Variants in MARK1 observed in about 807,000 individuals in gnomAD.
MARK1 encodes the protein microtubule affinity regulating kinase 1.
In MARK1, 40 loss-of-function variants were observed where a neutral mutation model predicts 96.3. That is an observed-to-expected ratio of 0.42 (90% CI 0.32 to 0.54). The LOEUF is 0.54. MARK1 is among the 20% of genes least tolerant of loss of function. The pLI is 0.16. For synonymous variants in MARK1, 317 were observed against 341.2 expected (o/e 0.93, Z 0.78); for missense variants, 719 against 984.6 (o/e 0.73, Z 3.61).
At chr1:220,537,783 C>G (rs1281715429) in intron 1 of MARK1, among the ~76,000 whole-genome samples, 1 of 151,798 alleles carries the variant, frequency 6.6e-6, no homozygotes, top group Non-Finnish European at 1.5e-5. Context: ...GCCATTCTAA[C>G]TGGTGTGAGA....
At chr1:220,596,536 T>C (rs1444292985) in intron 3 of MARK1, among the ~76,000 whole-genome samples, 1 of 152,184 alleles carries the variant, frequency 6.6e-6, no homozygotes, top group Non-Finnish European at 1.5e-5. Flanking sequence ...TATATGAATA[T>C]ACATATGCAC....
chr1:220,546,931 C>T (rs1299827069), intron 1 of MARK1, among the ~76,000 whole-genome samples: 1 of 146,804 alleles, frequency 6.8e-6, no homozygotes, highest in Non-Finnish European at 1.5e-5. Context: ...AAGATCGCAC[C>T]AGTGCACTCC....
At chr1:220,600,961 C>T (rs564227797) in intron 5 of MARK1, among the ~76,000 whole-genome samples, 2 of 151,058 alleles carry the variant, frequency 1.3e-5, no homozygotes, top group African/African-American at 2.4e-5. Context: ...GGCACGATCT[C>T]GGTTCACTGC....
At chr1:220,572,357 T>G (rs989526973) in intron 1 of MARK1, among the ~76,000 whole-genome samples, 3 of 152,226 alleles carry the variant, frequency 2.0e-5, no homozygotes, top group Non-Finnish European at 4.4e-5. Flanking sequence ...TTCTCCTGCC[T>G]TAGCCTCCCA....
At chr1:220,533,270 A>G (rs1660453920) in intron 1 of MARK1, among the ~76,000 whole-genome samples, 1 of 152,216 alleles carries the variant, frequency 6.6e-6, no homozygotes, top group Non-Finnish European at 1.5e-5. Flanking sequence ...TATAGTACAC[A>G]TCAGTGGTCT....
At chr1:220,545,201 G>A (rs775809537) in intron 1 of MARK1, among the ~76,000 whole-genome samples, 2 of 152,222 alleles carry the variant, frequency 1.3e-5, no homozygotes, top group African/African-American at 4.8e-5. Context: ...GTCCCTGAGT[G>A]TGAAGTGGAG....
chr1:220,642,569 C>T (rs993612738), intron 13 of MARK1, among the ~76,000 whole-genome samples: 3 of 152,166 alleles, frequency 2.0e-5, no homozygotes, highest in African/African-American at 7.2e-5. Context: ...AGAGTCTGGG[C>T]GTTCAGAATG....
At chr1:220,550,804 TA>T (rs1220515938) in intron 1 of MARK1, among the ~76,000 whole-genome samples, 1 of 152,260 alleles carries the variant, frequency 6.6e-6, no homozygotes, top group Non-Finnish European at 1.5e-5. Flanking sequence ...CATGTTCAAT[TA>T]CCTTTTAGAA....
rs1191991863 is a variant in MARK1 at position 220,663,515 on chromosome 1, C to G, written c.*1349C>G. 6.6e-6 allele frequency: 1 copy of G among 152,502 alleles called. No homozygotes were observed. The highest frequency in any genetic ancestry group is 2.4e-5 in the African/African-American group (1 of 41,408). The allele number at this position is 152,502 out of a possible 1,614,324, so 9.4% of individuals were successfully genotyped here. A position where few individuals can be genotyped will look rare whatever the true frequency, so the allele number is the denominator to read the frequency against. ...GCAATGTTATTTACTGTTGTAATTA[C>G]TGTAATACCAACATATGGGCCCCAT... On this transcript the variant is annotated 3_prime_UTR_variant, in exon 18 of 18. Coordinates refer to ENST00000366917, the MANE Select transcript of MARK1 (RefSeq NM_018650.5).
At chr1:220,648,950 T>C (rs1211083040) in intron 13 of MARK1, among the ~76,000 whole-genome samples, 1 of 152,168 alleles carries the variant, frequency 6.6e-6, no homozygotes, top group African/African-American at 2.4e-5. Context: ...AAGTAGGAAA[T>C]AATTTAAGTG....
At chr1:220,531,304 CAT>C (rs1209893891) in intron 1 of MARK1, among the ~76,000 whole-genome samples, 11 of 152,114 alleles carry the variant, frequency 7.2e-5, no homozygotes, top group Admixed American at 1.3e-4. Context: ...AATTACATGA[CAT>C]ATTTTTAAAA....
rs761735321 is a variant in MARK1 at position 220,618,813 on chromosome 1, C to T, written c.909+58C>T. 36 of 1,429,644 alleles carry T rather than the reference C, an allele frequency of 2.5e-5. No homozygotes were observed. Among genetic ancestry groups the T allele is most frequent in the East Asian group, 1.2e-4 (5 of 40,602 alleles). The allele number at this position is 1,429,644 out of a possible 1,614,324, so 88.6% of individuals were successfully genotyped here. A position where few individuals can be genotyped will look rare whatever the true frequency, so the allele number is the denominator to read the frequency against. On this transcript the variant is annotated intron_variant, in intron 9 of 17. Coordinates refer to ENST00000366917, the MANE Select transcript of MARK1 (RefSeq NM_018650.5). This position sits in a 1 kb window ranked among gnomAD's most constrained non-coding sequence, Gnocchi z 4.6. ...TTAACAATTAAAATATTCCAGGAAC[C>T]GAAGAGCATTTTTCTCCTATGTTTT...
At chr1:220,589,113 C>G (rs1335797476) in intron 3 of MARK1, among the ~76,000 whole-genome samples, 2 of 152,194 alleles carry the variant, frequency 1.3e-5, no homozygotes, top group East Asian at 3.9e-4. Flanking sequence ...CCACAATGTG[C>G]TCCTTCTGCC....
At chr1:220,659,939 C>T (rs1669384307) in intron 17 of MARK1, among the ~76,000 whole-genome samples, 1 of 152,182 alleles carries the variant, frequency 6.6e-6, no homozygotes, top group African/African-American at 2.4e-5. Context: ...AGGCGCTTGC[C>T]ACCACACCTG....
chr1:220,623,418 G>T (rs1017263510), intron 9 of MARK1, among the ~76,000 whole-genome samples: 8 of 152,140 alleles, frequency 5.3e-5, no homozygotes, highest in Non-Finnish European at 1.2e-4. Context: ...GTTATTAACA[G>T]AGTTAAACCC....
intron 1 of MARK1, among the ~76,000 whole-genome samples, chr1:220,573,820 TTGTAGTATATA>T (rs1663649613): frequency 8.6e-6 from 1 of 116,924 alleles, no homozygotes; most frequent in South Asian, 2.8e-4. Context: ...GTAGTATATA[TTGTAGTATATA>T]TGTAGTATAT....
intron 4 of MARK1, among the ~76,000 whole-genome samples, chr1:220,599,055 A>G (rs1161598623): frequency 1.3e-5 from 2 of 152,150 alleles, no homozygotes; most frequent in South Asian, 2.1e-4. Context: ...ATATTTTGAT[A>G]CTATGCACTT....
chr1:220,542,948 C>T (rs1329385096), intron 1 of MARK1, among the ~76,000 whole-genome samples: 1 of 152,092 alleles, frequency 6.6e-6, no homozygotes, highest in African/African-American at 2.4e-5. Flanking sequence ...TGTTCCTAAA[C>T]CATGTATCAT....
In MARK1 at chr1:220,553,655, T is replaced by A. The variant is rs370671006; in HGVS notation, c.51+24782T>A. The stretch of plus-strand genomic sequence containing the variant: ...CAACACCCAGCTCATAATGGGAAGC[T>A]TATGTTGAATGGTAACTTGGTGGCC... On this transcript the variant is annotated intron_variant, in intron 1 of 17. Transcript: ENST00000366917. Among the ~76,000 whole-genome samples the A allele has an allele frequency of 7.2e-5, 11 of 152,336 alleles. No homozygotes were observed. The East Asian group carries it at 2.1e-3, about 29-fold the overall frequency.
Sources: allele counts gnomAD v4.1 joint callset (sites outside exome capture counted in the v4.1 genomes callset), GRCh38; gene constraint gnomAD v4.1.1; non-coding constraint Gnocchi (gnomAD v3.1); transcripts MANE v1.5; gene names NCBI Gene and HGNC (gene_info 2026-07-23, HGNC 2026-07-21).